Variants in AGBL4 observed in about 807,000 individuals in gnomAD.
AGBL4 encodes the protein cytosolic carboxypeptidase 6.
In AGBL4, 58 loss-of-function variants were observed where a neutral mutation model predicts 66.4. The observed-to-expected ratio is 0.87, with a 90% CI of 0.71 to 1.09. The LOEUF is 1.09. Ranked by LOEUF, AGBL4 falls within the 50% of genes least tolerant of loss-of-function variation. AGBL4 has a pLI of 0.00. For synonymous variants in AGBL4, 234 were observed against 222.9 expected (o/e 1.05, Z -0.44); for missense variants, 579 against 631.0 (o/e 0.92, Z 0.88).
intron 6 of AGBL4, among the ~76,000 whole-genome samples, chr1:48,783,764 T>C (rs1645350626): frequency 1.3e-5 from 2 of 152,174 alleles, no homozygotes; most frequent in African/African-American, 4.8e-5. Context: ...GGCCTAGGCA[T>C]TGATTTTTTT....
chr1:49,845,299 C>T (rs1487855963), intron 2 of AGBL4: 6 of 1,556,338 alleles, frequency 3.9e-6, no homozygotes, highest in Admixed American at 1.7e-5. Flanking sequence ...GATCCAGCAC[C>T]AGAGAACTCA....
At chr1:49,849,821 T>C (rs1038048323) in intron 2 of AGBL4, among the ~76,000 whole-genome samples, 1 of 152,186 alleles carries the variant, frequency 6.6e-6, no homozygotes, top group African/African-American at 2.4e-5. Context: ...GAGAAAGGAA[T>C]CTGAATTATT....
chr1:49,697,350 C>A lies in AGBL4; in HGVS notation c.245G>T (p.Trp82Leu), dbSNP rs1161757010. ...CACATTTTCAACAGTAAAGTTGAAC[C>A]AGACTCGGAAGCGTGGATTACAGGT... The part of the protein sequence containing the change: ...PDTCNPRFRV[W>L]FNFTVENVKE... The change falls in exon 3 of 14, where the codon TGG becomes TTG. Residue 82 changes from tryptophan to leucine, a missense_variant. Trp to Leu is a moderately conservative substitution (Grantham distance 61, BLOSUM62 -2). Transcript: ENST00000371839. 6.5e-7 allele frequency: 1 copy of A among 1,548,334 alleles called. No homozygotes were observed. Among genetic ancestry groups the A allele is most frequent in the Admixed American group, 2.0e-5 (1 of 50,948 alleles).
chr1:49,730,770 G>A (rs546835852), intron 2 of AGBL4, among the ~76,000 whole-genome samples: 42 of 152,288 alleles, frequency 2.8e-4, no homozygotes, highest in Non-Finnish European at 2.6e-4. Flanking sequence ...GAGCAAACCC[G>A]GTAGGCTCCA....
chr1:49,795,690 A>G (rs1340271360), intron 2 of AGBL4, among the ~76,000 whole-genome samples: 1 of 151,834 alleles, frequency 6.6e-6, no homozygotes, highest in African/African-American at 2.4e-5. Context: ...TAAAGGGAAC[A>G]TCCCAAATCA....
chr1:48,957,220 T>C (rs770723411), intron 5 of AGBL4, among the ~76,000 whole-genome samples: 37 of 152,198 alleles, frequency 2.4e-4, no homozygotes, highest in East Asian at 7.7e-4. Context: ...TCAAACTGTA[T>C]ATAAGTGGCA....
chr1:49,967,560 G>C (rs972707044), intron 1 of AGBL4, among the ~76,000 whole-genome samples: 1 of 152,062 alleles, frequency 6.6e-6, no homozygotes, highest in Non-Finnish European at 1.5e-5. Flanking sequence ...AATACCTAAT[G>C]TAGGTGACAG....
chr1:48,897,651 G>A (rs978031112), intron 5 of AGBL4, among the ~76,000 whole-genome samples: 7 of 151,806 alleles, frequency 4.6e-5, no homozygotes, highest in Admixed American at 3.9e-4. Flanking sequence ...GTTATTATCT[G>A]TTTTTTTAAT....
chr1:49,632,641 G>A (rs1645593156), intron 3 of AGBL4, among the ~76,000 whole-genome samples: 1 of 152,138 alleles, frequency 6.6e-6, no homozygotes, highest in Admixed American at 6.6e-5. Context: ...CCTTCATTTT[G>A]CTAGTAAAAC....
intron 1 of AGBL4, among the ~76,000 whole-genome samples, chr1:49,947,960 AT>A (rs1272141250): frequency 4.0e-4 from 31 of 77,546 alleles, no homozygotes; most frequent in Non-Finnish European, 4.7e-4. Flanking sequence ...CAATATATAT[AT>A]AAATATATAT....
At chr1:48,924,154 T>G (rs1654327066) in intron 5 of AGBL4, among the ~76,000 whole-genome samples, 1 of 152,112 alleles carries the variant, frequency 6.6e-6, no homozygotes, top group Non-Finnish European at 1.5e-5. Flanking sequence ...GGTTTTTTTG[T>G]CAAATTAGGA....
chr1:49,371,194 TTAGA>T (rs771027223), intron 3 of AGBL4, among the ~76,000 whole-genome samples: 1 of 151,734 alleles, frequency 6.6e-6, no homozygotes, highest in African/African-American at 2.4e-5. Context: ...ATGAATCTCT[TTAGA>T]TAGATAGATA....
At chr1:49,482,377 G>T (rs866162155) in intron 3 of AGBL4, among the ~76,000 whole-genome samples, 1 of 151,824 alleles carries the variant, frequency 6.6e-6, no homozygotes, top group East Asian at 1.9e-4. Context: ...GGGTGTAAGT[G>T]CCCAGGGATT....
intron 3 of AGBL4, among the ~76,000 whole-genome samples, chr1:49,475,626 G>C (rs1646831656): frequency 6.6e-6 from 1 of 151,924 alleles, no homozygotes; most frequent in South Asian, 2.1e-4. Flanking sequence ...GGTCTGTTCA[G>C]GATTTTGATT....
At chr1:49,915,588 A>G (rs1456005612) in intron 1 of AGBL4, among the ~76,000 whole-genome samples, 1 of 152,204 alleles carries the variant, frequency 6.6e-6, no homozygotes, top group East Asian at 1.9e-4. Flanking sequence ...GCGGCCCACA[A>G]GCTCGAACTG....
intron 3 of AGBL4, among the ~76,000 whole-genome samples, chr1:49,653,295 C>T (rs1646047608): frequency 6.6e-6 from 1 of 151,976 alleles, no homozygotes; most frequent in South Asian, 2.1e-4. Flanking sequence ...ATGAAAAACA[C>T]CCCACAAAAC....
intron 3 of AGBL4, among the ~76,000 whole-genome samples, chr1:49,605,716 A>T (rs1645051797): frequency 6.6e-6 from 1 of 152,158 alleles, no homozygotes; most frequent in African/African-American, 2.4e-5. Context: ...AGTTTAAATA[A>T]AAACTACCAA....
chr1:49,072,687 T>C (rs904398619), intron 4 of AGBL4, among the ~76,000 whole-genome samples: 1 of 152,184 alleles, frequency 6.6e-6, no homozygotes, highest in Admixed American at 6.5e-5. Flanking sequence ...TTTTCCTTCA[T>C]TTCAACCTTG....
At chr1:48,619,742 C>T (rs1557832933) in intron 9 of AGBL4, among the ~76,000 whole-genome samples, 1 of 152,276 alleles carries the variant, frequency 6.6e-6, no homozygotes, top group South Asian at 2.1e-4. Flanking sequence ...ATAGGTGGTG[C>T]CAGGAGTTTA....
Sources: gnomAD v4.1 joint callset for allele counts (sites outside exome capture counted in the v4.1 genomes callset) on GRCh38, gnomAD v4.1.1 for gene constraint, MANE v1.5 for transcripts, NCBI Gene and HGNC (gene_info 2026-07-23, HGNC 2026-07-21) for gene names.